BOLL: variants seen among roughly 807,000 people sequenced by gnomAD.
BOLL encodes boule RNA binding protein, also known as protein boule-like.
A neutral mutation model predicts 44.4 loss-of-function variants in BOLL; 23 were observed. The observed-to-expected ratio is 0.52, with a 90% confidence interval of 0.37 to 0.73. The LOEUF (loss-of-function observed/expected upper bound fraction) is 0.73, where lower values mean the gene tolerates loss of function less well. BOLL is among the 30% of genes least tolerant of loss of function. The pLI is 0.00. For synonymous variants in BOLL, 97 were observed against 110.8 expected (o/e 0.88, Z 0.78); for missense variants, 287 against 338.3 (o/e 0.85, Z 1.19).
At chr2:197,741,187 C>G (rs542798197) in intron 10 of BOLL, among the ~76,000 whole-genome samples, 1 of 152,166 alleles carries the variant, frequency 6.6e-6, no homozygotes, top group South Asian at 2.1e-4. Flanking sequence ...TTCTTGAAGA[C>G]GTCCTTCACA....
chr2:197,745,654 A>AT (rs1163977934), intron 9 of BOLL, among the ~76,000 whole-genome samples: 4 of 152,188 alleles, frequency 2.6e-5, no homozygotes, highest in African/African-American at 9.7e-5. Flanking sequence ...CAAAATATAG[A>AT]TTTTTAAAAT....
At chr2:197,777,277 C>A (rs1255919091) in intron 3 of BOLL, among the ~76,000 whole-genome samples, 164 bp from the exon 4 acceptor site, 2 of 151,704 alleles carry the variant, frequency 1.3e-5, no homozygotes, top group Non-Finnish European at 2.9e-5. Context: ...TCATTCACAG[C>A]CTAACACTGT....
chr2:197,779,760 A>G (rs1039384833), intron 2 of BOLL, among the ~76,000 whole-genome samples: 1 of 152,026 alleles, frequency 6.6e-6, no homozygotes, highest in Admixed American at 6.6e-5. Context: ...TTTTAATTGA[A>G]ATAGTCTGAT....
rs371376377 is a variant in BOLL at position 197,754,338 on chromosome 2, T to C, written c.729+2090A>G. On this transcript the variant is annotated intron_variant, in intron 9 of 10. Coordinates refer to ENST00000392296, the MANE Select transcript of BOLL (RefSeq NM_033030.6). ...TTAGCCATATATAGAAAATTGAAAC[T>C]GGACCCGTTCCTTACACCTTATACA... Among the ~76,000 whole-genome samples, 4 of 152,070 alleles carry C rather than the reference T, an allele frequency of 2.6e-5. No individual in the cohort carries two copies. The East Asian group carries it at 7.7e-4, about 29-fold the overall frequency.
intron 2 of BOLL, among the ~76,000 whole-genome samples, chr2:197,779,285 A>G (rs185140860): frequency 6.6e-6 from 1 of 152,122 alleles, no homozygotes; most frequent in African/African-American, 2.4e-5. Flanking sequence ...GCCAATAAAA[A>G]TGTAAGCTGA....
intron 7 of BOLL, among the ~76,000 whole-genome samples, chr2:197,764,122 A>T (rs947070423): frequency 2.6e-5 from 4 of 152,222 alleles, no homozygotes; most frequent in Non-Finnish European, 5.9e-5. Context: ...TATGGAAAAC[A>T]GTATGGAGAT....
At chr2:197,783,648 G>GA in intron 1 of BOLL, among the ~76,000 whole-genome samples, 1 of 152,316 alleles carries the variant, frequency 6.6e-6, no homozygotes, top group Admixed American at 6.5e-5. Flanking sequence ...TCCAATGAAA[G>GA]AAACTGGGAA....
At chr2:197,734,383 A>G (rs948378931) in intron 10 of BOLL, among the ~76,000 whole-genome samples, 2 of 152,188 alleles carry the variant, frequency 1.3e-5, no homozygotes, top group Non-Finnish European at 2.9e-5. Flanking sequence ...AACCAGTTCA[A>G]CCATTGTGGA....
chr2:197,762,866 G>T (rs1159657200), intron 7 of BOLL, among the ~76,000 whole-genome samples: 1 of 151,840 alleles, frequency 6.6e-6, no homozygotes, highest in Non-Finnish European at 1.5e-5. Context: ...TAGAAGAAAA[G>T]AAATAGTAAT....
chr2:197,770,704 TC>T (rs1181125148), intron 6 of BOLL, among the ~76,000 whole-genome samples: 3 of 152,112 alleles, frequency 2.0e-5, no homozygotes, highest in African/African-American at 7.2e-5. Flanking sequence ...AACAGACACT[TC>T]TTAAAAGAAG....
chr2:197,729,615 T>C (rs1390118133), intron 10 of BOLL, among the ~76,000 whole-genome samples: 1 of 152,206 alleles, frequency 6.6e-6, no homozygotes, highest in Non-Finnish European at 1.5e-5. Flanking sequence ...GCTGGAGATC[T>C]GAGAACGGGC....
At chr2:197,778,844 A>G (rs1689639459) in intron 3 of BOLL, 131 bp downstream of exon 3, 2 of 650,876 alleles carry the variant, frequency 3.1e-6, no homozygotes, top group African/African-American at 1.9e-5. Context: ...GGAAATCAAA[A>G]GGTAGGAGGA....
chr2:197,729,233 G>A (rs970746428), intron 10 of BOLL, among the ~76,000 whole-genome samples: 5 of 151,866 alleles, frequency 3.3e-5, no homozygotes, highest in Non-Finnish European at 5.9e-5. Flanking sequence ...CTGGAAAATC[G>A]GGTCACTACT....
chr2:197,766,902 C>T (rs556901500), intron 6 of BOLL, among the ~76,000 whole-genome samples: 2 of 151,856 alleles, frequency 1.3e-5, no homozygotes, highest in Non-Finnish European at 2.9e-5. Flanking sequence ...TAAGAGAATA[C>T]TTAGAGGAAA....
rs1250317305 is a variant in BOLL at position 197,772,016 on chromosome 2, G to A, written c.353-34C>T. The A allele has an allele frequency of 2.0e-6, 3 of 1,482,248 alleles. No homozygotes were observed. In the East Asian group the frequency reaches 7.1e-5, roughly 35 times the overall value. 91.8% of individuals were successfully genotyped at this position (1,482,248 alleles called of 1,614,324 possible). A position where few individuals can be genotyped will look rare whatever the true frequency, so the allele number is the denominator to read the frequency against. ...AAGATTAAATAATAATAATTGAAAT[G>A]TTCAATTTAACTGTTAAAAATGTAG... is the stretch of plus-strand genomic sequence containing the variant. On this transcript the variant is annotated intron_variant, in intron 5 of 10. Transcript: ENST00000392296.
chr2:197,774,286 A>G (rs1479910057), intron 5 of BOLL: 1 of 165,636 alleles, frequency 6.0e-6, no homozygotes, highest in Non-Finnish European at 1.4e-5. Flanking sequence ...TGCATAAATC[A>G]TGAGACTTTA....
In BOLL at chr2:197,728,483, AG is replaced by A; in HGVS notation, c.*71del. The A allele has an allele frequency of 1.9e-6, 3 of 1,612,938 alleles. No homozygotes were observed. On this transcript the variant is annotated 3_prime_UTR_variant, in exon 11 of 11. Transcript: ENST00000392296. The stretch of plus-strand genomic sequence containing the variant: ...GGGCAGCTTCTAGCTGGTTCGTTGA[AG>A]CTGGATCTCGGCCACGCAAGGATCA...
chr2:197,732,646 C>G, intron 10 of BOLL, among the ~76,000 whole-genome samples: 1 of 150,272 alleles, frequency 6.7e-6, no homozygotes, highest in Non-Finnish European at 1.5e-5. Context: ...GGATGCAAGA[C>G]TGGTTCAATA....
chr2:197,782,527 C>T (rs1340596298), intron 1 of BOLL, among the ~76,000 whole-genome samples: 2 of 152,202 alleles, frequency 1.3e-5, no homozygotes, highest in African/African-American at 2.4e-5. Context: ...AGAATTACTA[C>T]CATTTCCTGA....
Sources: allele counts gnomAD v4.1 joint callset (sites outside exome capture counted in the v4.1 genomes callset), GRCh38; gene constraint gnomAD v4.1.1; transcripts MANE v1.5; gene names NCBI Gene and HGNC (gene_info 2026-07-23, HGNC 2026-07-21).